Variants in OPRM1 observed in about 807,000 individuals in gnomAD.
OPRM1 encodes the protein mu-type opioid receptor.
A neutral mutation model predicts 31.8 loss-of-function variants in OPRM1; 27 were observed. That is an observed-to-expected ratio of 0.85 (90% CI 0.63 to 1.17). The LOEUF (loss-of-function observed/expected upper bound fraction) is 1.17. Among genes scored for constraint, OPRM1 ranks in the 50% most tolerant of loss-of-function variants. The pLI is 0.00. For missense variants in OPRM1, 536 were observed against 511.1 expected (o/e 1.05, Z -0.47); for synonymous variants, 196 against 189.9 (o/e 1.03, Z -0.26).
At chr6:154,025,781 T>G (rs1172195319) in intron 1 of OPRM1, among the ~76,000 whole-genome samples, 1 of 152,024 alleles carries the variant, frequency 6.6e-6, no homozygotes, top group African/African-American at 2.4e-5. Context: ...ATTTAGCACT[T>G]TTTGCATAAA....
At chr6:154,179,165 C>A (rs146324753) in intron 3 of OPRM1, among the ~76,000 whole-genome samples, 53 of 152,220 alleles carry the variant, frequency 3.5e-4, no homozygotes, top group Middle Eastern at 3.4e-3. Context: ...AGGACAAAAA[C>A]AGACCCAAAA....
At chr6:154,101,645 C>T (rs950562250) in intron 3 of OPRM1, among the ~76,000 whole-genome samples, 4 of 152,156 alleles carry the variant, frequency 2.6e-5, no homozygotes, top group African/African-American at 9.7e-5. Context: ...TGAAAAAGAA[C>T]ACTGCAGACT....
At chr6:154,186,330 T>C (rs1801339970) in intron 3 of OPRM1, among the ~76,000 whole-genome samples, 1 of 152,254 alleles carries the variant, frequency 6.6e-6, no homozygotes, top group African/African-American at 2.4e-5. Context: ...TGAAATCATC[T>C]TTGACTTCTG....
At chr6:154,093,408 G>A (rs766400471) in intron 3 of OPRM1, 1 of 1,614,068 alleles carries the variant, frequency 6.2e-7, no homozygotes, top group Admixed American at 1.7e-5. Context: ...TGGAAATACT[G>A]CTCCCAGCCC....
chr6:154,146,463 T>C (rs1798360699), intron 3 of OPRM1, among the ~76,000 whole-genome samples: 1 of 152,226 alleles, frequency 6.6e-6, no homozygotes, highest in South Asian at 2.1e-4. Flanking sequence ...ATAATTTCTA[T>C]TGGTGGATAA....
chr6:154,237,138 C>T (rs1441668691), intron 3 of OPRM1, among the ~76,000 whole-genome samples: 1 of 152,158 alleles, frequency 6.6e-6, no homozygotes, highest in Non-Finnish European at 1.5e-5. Flanking sequence ...GAGCTTGCTC[C>T]AGACAGATGA....
At chr6:154,025,722 C>A (rs1050680377) in intron 1 of OPRM1, among the ~76,000 whole-genome samples, 4 of 151,798 alleles carry the variant, frequency 2.6e-5, no homozygotes, top group Non-Finnish European at 5.9e-5. Flanking sequence ...TATGTTACCA[C>A]GAGGCTTGCA....
At chr6:154,136,275 ACTCTCCTGCCC>A (rs1217992330), downstream of OPRM1, among the ~76,000 whole-genome samples, 1 of 151,194 alleles carries the variant, frequency 6.6e-6, no homozygotes, top group Admixed American at 6.6e-5. Context: ...CCCCATCACC[ACTCTCCTGCCC>A]CTCGCCTCCC....
In OPRM1 at chr6:154,209,807, T is replaced by C. The variant is rs78655251; in HGVS notation, c.1165-36886T>C. 4.8e-3 allele frequency among the ~76,000 whole-genome samples: 727 copies of C among 152,274 alleles called. 9 individuals are homozygous for C. Among genetic ancestry groups the C allele is most frequent in the African/African-American group, 0.017 (696 of 41,552 alleles). On this transcript the variant is annotated intron_variant, in intron 3 of 3. Transcript: ENST00000337049. The stretch of plus-strand genomic sequence containing the variant: ...GAAATATGTGATCAGGAGGAACACA[T>C]TCTGTTTCTAAGGGGGAAAAAAAAT...
intron 3 of OPRM1, among the ~76,000 whole-genome samples, chr6:154,104,281 C>CATGTTAGTTA (rs1251244448): frequency 6.6e-6 from 1 of 152,160 alleles, no homozygotes; most frequent in East Asian, 1.9e-4. Context: ...TTAAAGAAAA[C>CATGTTAGTTA]ATTCAGTCAG....
Position 154,152,390 on chromosome 6 carries a change from A to AAGAGAGAGAGAG in OPRM1, c.1164+60923_1164+60924insGAGAGAGAGAGA, listed in dbSNP as rs1193986554. 2.9e-3 allele frequency among the ~76,000 whole-genome samples: 365 copies of AAGAGAGAGAGAG among 126,226 alleles called. 4 individuals carry two copies. The highest frequency in any genetic ancestry group is 4.2e-3 in the Non-Finnish European group (247 of 58,424). The allele number at this position is 126,226 out of a possible 152,430, so 82.8% of individuals were successfully genotyped here. On this transcript the variant is annotated intron_variant, in intron 3 of 3. Coordinates refer to the OPRM1 transcript ENST00000337049. ...AAAGAAAGAAAGAAAGAAAGAAAGAAAGAGAAATAGTGTTCAGGTTGTGGT... is the reference window on the plus strand; with the variant it reads ...AAAGAAAGAAAGAAAGAAAGAAAGAAAGAGAGAGAGAGAGAGAAATAGTGTTCAGGTTGTGGT...
rs768298364 is a variant in OPRM1, at chr6:154,118,738, T to C, written c.*17T>C. 1 of 1,612,856 alleles carries C rather than the reference T, an allele frequency of 6.2e-7. No homozygotes were observed. ...TTGCCCTAACAGGGTCTCATGCCATTCCGACCTTCACCAAGCTTAGAAGCC... is the reference window on the plus strand; with the variant it reads ...TTGCCCTAACAGGGTCTCATGCCATCCCGACCTTCACCAAGCTTAGAAGCC... On this transcript the variant is annotated 3_prime_UTR_variant, in exon 4 of 4. Coordinates refer to ENST00000330432, the MANE Select transcript of OPRM1 (RefSeq NM_000914.5).
chr6:154,225,910 T>C (rs1431847011), intron 3 of OPRM1, among the ~76,000 whole-genome samples: 1 of 152,200 alleles, frequency 6.6e-6, no homozygotes, highest in African/African-American at 2.4e-5. Flanking sequence ...TCCACCCGCG[T>C]TGCTAAATCC....
rs1394938128 is a variant in OPRM1 at position 154,091,036 on chromosome 6, T to C, written c.728T>C (p.Phe243Ser). The C allele has an allele frequency of 6.2e-7, 1 of 1,614,222 alleles. No individual in the cohort carries two copies. The highest frequency in any genetic ancestry group is 8.5e-7 in the Non-Finnish European group (1 of 1,180,040). ...AAGATCTGTGTTTTCATCTTCGCCTTCATTATGCCAGTGCTCATCATTACC... is the reference window on the plus strand; with the variant it reads ...AAGATCTGTGTTTTCATCTTCGCCTCCATTATGCCAGTGCTCATCATTACC... ...LLKICVFIFA[F>S]IMPVLIITVC... The change falls in exon 3 of 4, where the codon TTC (phenylalanine) becomes TCC (serine). Residue 243 changes from phenylalanine (F) to serine (S), a missense_variant. Coordinates refer to ENST00000330432, the MANE Select transcript of OPRM1 (RefSeq NM_000914.5).
chr6:154,063,667 T>A (rs1337744360), intron 1 of OPRM1, among the ~76,000 whole-genome samples: 1 of 151,992 alleles, frequency 6.6e-6, no homozygotes, highest in Non-Finnish European at 1.5e-5. Context: ...TCTTTCCTCC[T>A]CCCAAACCCT....
intron 3 of OPRM1, among the ~76,000 whole-genome samples, chr6:154,220,374 T>A (rs1165768434): frequency 6.6e-6 from 1 of 152,232 alleles, no homozygotes; most frequent in Non-Finnish European, 1.5e-5. Context: ...ACAGCCATTG[T>A]TGACCAGGTG....
intron 1 of OPRM1, chr6:154,083,806 T>TGC (rs1789747702): frequency 1.3e-5 from 2 of 152,094 alleles, no homozygotes; most frequent in African/African-American, 4.8e-5. Flanking sequence ...TAGCCGGGCT[T>TGC]GGTGGCGGAC....
chr6:154,180,663 C>T (rs868279935), intron 3 of OPRM1, among the ~76,000 whole-genome samples: 5 of 152,212 alleles, frequency 3.3e-5, no homozygotes, highest in Non-Finnish European at 2.9e-5. Context: ...ATTTTCAACT[C>T]TGCCTCCCCC....
intron 1 of OPRM1, among the ~76,000 whole-genome samples, chr6:154,027,813 C>A (rs1269611829): frequency 6.6e-6 from 1 of 152,178 alleles, no homozygotes; most frequent in East Asian, 1.9e-4. Flanking sequence ...TCCCTTAAGC[C>A]CCAAAGGCTC....
Sources: allele counts gnomAD v4.1 joint callset (sites outside exome capture counted in the v4.1 genomes callset), GRCh38; gene constraint gnomAD v4.1.1; transcripts MANE v1.5; gene names NCBI Gene and HGNC (gene_info 2026-07-23, HGNC 2026-07-21).